The following ZNF568 variants were observed in gnomAD, a reference collection of about 807,000 sequenced individuals.
ZNF568 encodes zinc finger protein 568.
A neutral mutation model predicts 18.1 loss-of-function variants in ZNF568; 11 were observed. That is an observed-to-expected ratio of 0.61 (90% confidence interval 0.38 to 1.00). ZNF568 has a LOEUF of 1.00. ZNF568 is among the 50% of genes least tolerant of loss of function. The probability of loss-of-function intolerance (pLI) is 0.01; values close to 1 mark genes in which losing one functional copy is unlikely to be tolerated. For synonymous variants in ZNF568, 213 were observed against 246.6 expected (o/e 0.86, Z 1.28); for missense variants, 639 against 768.2 (o/e 0.83, Z 1.99).
intron 2 of ZNF568, among the ~76,000 whole-genome samples, chr19:36,988,386 C>T (rs1000849419): frequency 1.5e-4 from 23 of 152,192 alleles, no homozygotes; most frequent in African/African-American, 5.5e-4. Flanking sequence ...TCCAGCTCCA[C>T]AGGCTGTTCA....
chr19:36,964,002 G>A (rs1295048052), intron 6 of ZNF568, among the ~76,000 whole-genome samples: 1 of 140,950 alleles, frequency 7.1e-6, no homozygotes, highest in Non-Finnish European at 1.5e-5. Flanking sequence ...GAGGGACGGA[G>A]GGAGGGAGGG....
At chr19:36,996,882 T>C (rs1219150379) in exon 5 of ZNF568, 3 of 1,539,040 alleles carry the variant, frequency 1.9e-6, no homozygotes, top group East Asian at 2.4e-5. Context: ...CCTATAAGTG[T>C]AGGGAGTGTG....
At chr19:36,963,103 T>C (rs1268566542) in intron 6 of ZNF568, among the ~76,000 whole-genome samples, 2 of 152,220 alleles carry the variant, frequency 1.3e-5, no homozygotes, top group Non-Finnish European at 2.9e-5. Context: ...CAATCACCTG[T>C]TAATGAATAG....
intron 6 of ZNF568, among the ~76,000 whole-genome samples, chr19:36,942,598 CAAA>C (rs1157835192): frequency 2.2e-4 from 15 of 68,478 alleles, no homozygotes; most frequent in African/African-American, 8.3e-4. Context: ...GACTCCGTCT[CAAA>C]AAAAAAAAAA....
chr19:36,988,584 G>T (rs2146346957), intron 2 of ZNF568, among the ~76,000 whole-genome samples: 1 of 152,242 alleles, frequency 6.6e-6, no homozygotes, highest in African/African-American at 2.4e-5. Context: ...ACAAGGGGGT[G>T]GTACTAAGCC....
downstream of ZNF568, chr19:36,997,734 G>A (rs1358777568): frequency 1.4e-6 from 1 of 724,742 alleles, no homozygotes; most frequent in Non-Finnish European, 2.3e-6. Flanking sequence ...ATGAGGGATG[G>A]CTCAGAATTT....
Position 36,922,700 on chromosome 19 carries a change from CT to C in ZNF568, c.-70del. The C allele has an allele frequency of 7.1e-7, 1 of 1,410,966 alleles. No homozygotes were observed. The highest frequency in any genetic ancestry group is 2.3e-5 in the East Asian group (1 of 43,614). 87.4% of individuals were successfully genotyped at this position (1,410,966 alleles called of 1,614,324 possible). A position where few individuals can be genotyped will look rare whatever the true frequency, so the allele number is the denominator to read the frequency against. ...GACCTGCCTTAGAGGCTGGAGAGTC[CT>C]GAAAGAGAGTGGACCCTGGAGTTGC... On this transcript the variant is annotated 5_prime_UTR_variant, in exon 3 of 7. Coordinates refer to ENST00000333987, the MANE Select transcript of ZNF568 (RefSeq NM_198539.4).
intron 4 of ZNF568, among the ~76,000 whole-genome samples, chr19:36,993,313 T>C (rs1600863132): frequency 1.3e-5 from 2 of 152,336 alleles, no homozygotes; most frequent in East Asian, 3.9e-4. Flanking sequence ...ATGTGGTATA[T>C]AATCCTTTAT....
chr19:36,990,365 A>C (rs1216180568), intron 2 of ZNF568, among the ~76,000 whole-genome samples: 1 of 152,240 alleles, frequency 6.6e-6, no homozygotes, highest in African/African-American at 2.4e-5. Context: ...CTGTAATCCC[A>C]GCACTTTGGG....
chr19:36,948,446 G>C (rs1273828064), intron 6 of ZNF568, among the ~76,000 whole-genome samples: 3 of 152,078 alleles, frequency 2.0e-5, no homozygotes, highest in African/African-American at 7.2e-5. Context: ...TTTTTGTATG[G>C]ACATATGTTT....
downstream of ZNF568, among the ~76,000 whole-genome samples, chr19:36,955,624 G>A (rs951861398): frequency 1.3e-5 from 2 of 152,094 alleles, no homozygotes; most frequent in African/African-American, 4.8e-5. Context: ...TTCTTTTCCT[G>A]GACACACATG....
At chr19:36,946,010 G>C (rs948955615) in intron 6 of ZNF568, among the ~76,000 whole-genome samples, 35 of 151,876 alleles carry the variant, frequency 2.3e-4, no homozygotes, top group African/African-American at 8.5e-4. Flanking sequence ...CAGGGGAATC[G>C]CTTGAACCCG....
downstream of ZNF568, among the ~76,000 whole-genome samples, chr19:36,981,370 A>G (rs897708568): frequency 2.0e-5 from 3 of 152,218 alleles, no homozygotes; most frequent in South Asian, 6.2e-4. Flanking sequence ...CAGTTGGGAT[A>G]ATGATTTATA....
At chr19:36,936,132 C>T (rs2146289773) in intron 4 of ZNF568, among the ~76,000 whole-genome samples, 1 of 152,120 alleles carries the variant, frequency 6.6e-6, no homozygotes, top group Non-Finnish European at 1.5e-5. Context: ...AGTGGTTGCT[C>T]TAGGACTTGG....
intron 2 of ZNF568, among the ~76,000 whole-genome samples, chr19:36,987,297 GGGT>G (rs1476011225): frequency 6.6e-6 from 1 of 152,148 alleles, no homozygotes; most frequent in Non-Finnish European, 1.5e-5. Context: ...TTGTGTATCT[GGGT>G]AATTGAGCCC....
At chr19:36,989,838 A>G (rs961261033) in intron 2 of ZNF568, among the ~76,000 whole-genome samples, 1 of 152,000 alleles carries the variant, frequency 6.6e-6, no homozygotes, top group African/African-American at 2.4e-5. Context: ...GAGCCACTAT[A>G]CCAGGATTAG....
At chr19:36,969,049 C>G (rs1643418) in intron 6 of ZNF568, among the ~76,000 whole-genome samples, 85,390 of 151,434 alleles carry the variant, frequency 0.56, 24,989 homozygotes, top group African/African-American at 0.69. Context: ...TAGAAACGGG[C>G]TTTCACGGTA....
intron 4 of ZNF568, among the ~76,000 whole-genome samples, chr19:36,995,219 G>A (rs947626805): frequency 1.3e-5 from 2 of 151,972 alleles, no homozygotes. Context: ...CCAACATGGC[G>A]AAACCCTGTA....
chr19:36,934,322 T>A (rs10420370), intron 4 of ZNF568, among the ~76,000 whole-genome samples: 33,099 of 133,302 alleles, frequency 0.25, 4,241 homozygotes, highest in African/African-American at 0.39. Flanking sequence ...TTTTTTTTTT[T>A]AATTGAGGCA....
Sources: gnomAD v4.1 joint callset for allele counts (sites outside exome capture counted in the v4.1 genomes callset) on GRCh38, gnomAD v4.1.1 for gene constraint, MANE v1.5 for transcripts, NCBI Gene and HGNC (gene_info 2026-07-23, HGNC 2026-07-21) for gene names.